The following PARD3 variants were observed in gnomAD, a reference collection of about 807,000 sequenced individuals.
PARD3 encodes the protein partitioning defective 3 homolog.
PARD3 carries 75 observed loss-of-function variants against 155.4 expected under a neutral mutation model. The ratio of observed to expected loss-of-function variants is 0.48; its 90% CI spans 0.40 to 0.58. The LOEUF (loss-of-function observed/expected upper bound fraction) is 0.58. Among genes scored for constraint, PARD3 ranks in the 20% least tolerant of loss-of-function variants. The pLI, the probability that PARD3 is intolerant of heterozygous loss-of-function variation, is 0.00. For synonymous variants in PARD3, 576 were observed against 610.5 expected, an observed-to-expected ratio of 0.94 and a Z score of 0.83; for missense variants, 1,642 against 1,721.7, an observed-to-expected ratio of 0.95 and a Z score of 0.82.
chr10:34,307,989 T>TA (rs1341082024), intron 20 of PARD3, among the ~76,000 whole-genome samples: 1 of 152,102 alleles, frequency 6.6e-6, no homozygotes, highest in African/African-American at 2.4e-5. Context: ...CTAGACCCTC[T>TA]AAAAAGCTGA....
intron 22 of PARD3, among the ~76,000 whole-genome samples, chr10:34,156,357 A>G (rs1949004411): frequency 6.6e-6 from 1 of 152,098 alleles, no homozygotes; most frequent in Non-Finnish European, 1.5e-5. Flanking sequence ...TTGGCCTCCC[A>G]AAGTGCTAGA....
intron 4 of PARD3, among the ~76,000 whole-genome samples, chr10:34,460,499 G>A (rs1252311626): frequency 6.6e-6 from 1 of 152,136 alleles, no homozygotes; most frequent in Non-Finnish European, 1.5e-5. Flanking sequence ...ACTATTAGGT[G>A]AGCTATTTAA....
At chr10:34,663,426 A>G (rs1218805733) in intron 2 of PARD3, among the ~76,000 whole-genome samples, 1 of 152,264 alleles carries the variant, frequency 6.6e-6, no homozygotes, top group East Asian at 1.9e-4. Flanking sequence ...AGATCGCACC[A>G]TTGCACTCCA....
At chr10:34,491,476 T>A (rs1332512119) in intron 3 of PARD3, among the ~76,000 whole-genome samples, 2 of 152,228 alleles carry the variant, frequency 1.3e-5, no homozygotes, top group African/African-American at 4.8e-5. Context: ...CTTTGAATTT[T>A]TTCATGAAAT....
At chr10:34,428,645 T>C (rs2075745833) in intron 5 of PARD3, among the ~76,000 whole-genome samples, 1 of 152,166 alleles carries the variant, frequency 6.6e-6, no homozygotes, top group African/African-American at 2.4e-5. Flanking sequence ...AACAGCTGTG[T>C]TTTCTCTGGA....
At chr10:34,661,723 T>C (rs2093330495) in intron 2 of PARD3, among the ~76,000 whole-genome samples, 1 of 152,154 alleles carries the variant, frequency 6.6e-6, no homozygotes, top group Non-Finnish European at 1.5e-5. Context: ...TGGTCTATAA[T>C]TAAAGAATCA....
At chr10:34,800,056 GGAGGTT>G (rs541098707) in intron 1 of PARD3, among the ~76,000 whole-genome samples, 1,935 of 152,050 alleles carry the variant, frequency 0.013, 15 homozygotes, top group Non-Finnish European at 0.02. Flanking sequence ...CTTGAGCCCA[GGAGGTT>G]GAGGCTACAG....
intron 1 of PARD3, among the ~76,000 whole-genome samples, chr10:34,733,947 TG>T (rs2094864292): frequency 1.5e-5 from 2 of 130,484 alleles, no homozygotes; most frequent in South Asian, 4.4e-4. Flanking sequence ...AAATCAAAGC[TG>T]TTTTTTTTTT....
At chr10:34,793,125 C>T (rs982031345) in intron 1 of PARD3, among the ~76,000 whole-genome samples, 2 of 152,166 alleles carry the variant, frequency 1.3e-5, no homozygotes, top group African/African-American at 4.8e-5. Flanking sequence ...TTGAGCCCAC[C>T]TGGGGAGCCG....
chr10:34,656,650 ATAAT>A (rs2093174159), intron 2 of PARD3, among the ~76,000 whole-genome samples: 1 of 152,228 alleles, frequency 6.6e-6, no homozygotes, highest in South Asian at 2.1e-4. Flanking sequence ...CCTAATGACA[ATAAT>A]TAAACATCTG....
intron 1 of PARD3, among the ~76,000 whole-genome samples, chr10:34,725,634 T>C (rs534927302): frequency 6.6e-6 from 1 of 152,274 alleles, no homozygotes; most frequent in South Asian, 2.1e-4. Flanking sequence ...TGTCAATCTA[T>C]CTCAAAAGGG....
In PARD3 at chr10:34,134,588, C is replaced by A. The variant is rs144112875; in HGVS notation, c.3420-3005G>T. On this transcript the variant is annotated intron_variant, in intron 22 of 24. Coordinates refer to ENST00000374788, the MANE Select transcript of PARD3 (RefSeq NM_001184785.2). Reference sequence around the variant, plus strand: ...AAAAGATAAGTTCTGGAAGTCACTCCTGCCCTTGTTTCCAAATCTGGGGAG... The same window carrying A: ...AAAAGATAAGTTCTGGAAGTCACTCATGCCCTTGTTTCCAAATCTGGGGAG... 2.0e-3 allele frequency among the ~76,000 whole-genome samples: 300 copies of A among 152,338 alleles called. 1 individual carries two copies. Among genetic ancestry groups the A allele is most frequent in the African/African-American group, 6.9e-3 (287 of 41,592 alleles).
At chr10:34,124,279 G>C (rs938148967) in intron 23 of PARD3, among the ~76,000 whole-genome samples, 3 of 152,180 alleles carry the variant, frequency 2.0e-5, no homozygotes, top group Admixed American at 1.3e-4. Context: ...TGATGCTGAT[G>C]ACAAAAAGAC....
intron 2 of PARD3, among the ~76,000 whole-genome samples, chr10:34,578,956 T>A (rs543894312): frequency 2.0e-5 from 3 of 152,176 alleles, no homozygotes; most frequent in Non-Finnish European, 4.4e-5. Flanking sequence ...ATATACCTTT[T>A]CAAGATATCT....
chr10:34,390,862 CT>C (rs1842811963), intron 7 of PARD3, among the ~76,000 whole-genome samples: 1 of 152,132 alleles, frequency 6.6e-6, no homozygotes, highest in South Asian at 2.1e-4. Context: ...AACAAAGCAA[CT>C]TGTACACTTT....
At chr10:34,503,355 C>T (rs1564787166) in intron 3 of PARD3, among the ~76,000 whole-genome samples, 1 of 152,168 alleles carries the variant, frequency 6.6e-6, no homozygotes, top group African/African-American at 2.4e-5. Flanking sequence ...CCTTTGCTTA[C>T]ACTTTTTCCA....
intron 1 of PARD3, among the ~76,000 whole-genome samples, chr10:34,770,176 T>C (rs1838683041): frequency 6.6e-6 from 1 of 152,186 alleles, no homozygotes; most frequent in African/African-American, 2.4e-5. Flanking sequence ...TCACCCTTCA[T>C]GCTGTTTCAG....
At chr10:34,684,529 C>T (rs188037520) in intron 2 of PARD3, among the ~76,000 whole-genome samples, 1 of 152,130 alleles carries the variant, frequency 6.6e-6, no homozygotes, top group Admixed American at 6.6e-5. Flanking sequence ...GGTGAATGCC[C>T]CACCATCTCC....
chr10:34,739,051 T>G (rs2094962391), intron 1 of PARD3, among the ~76,000 whole-genome samples: 1 of 152,174 alleles, frequency 6.6e-6, no homozygotes, highest in Non-Finnish European at 1.5e-5. Flanking sequence ...CCGTTTTGTT[T>G]AAGGGATCAC....
Sources: allele counts gnomAD v4.1 joint callset (sites outside exome capture counted in the v4.1 genomes callset), GRCh38; gene constraint gnomAD v4.1.1; transcripts MANE v1.5; gene names NCBI Gene and HGNC (gene_info 2026-07-23, HGNC 2026-07-21).